The following SLC14A2 variants were observed in gnomAD, a reference collection of about 807,000 sequenced individuals.
SLC14A2 encodes the protein solute carrier family 14 member 2.
Under a neutral mutation model 104.6 loss-of-function variants are expected in SLC14A2, and 91 were observed. The observed-to-expected ratio is 0.87, with a 90% CI of 0.73 to 1.04. SLC14A2 has a LOEUF of 1.04. SLC14A2 is among the 50% of genes least tolerant of loss of function. The probability of loss-of-function intolerance (pLI) is 0.00; values close to 1 mark genes in which losing one functional copy is unlikely to be tolerated. For missense variants in SLC14A2, 1,189 were observed against 1,156.0 expected (o/e 1.03, Z -0.41); for synonymous variants, 476 against 466.4 (o/e 1.02, Z -0.27).
chr18:45,644,791 A>G lies in SLC14A2; in HGVS notation c.1351+631A>G, dbSNP rs907643938. Among the ~76,000 whole-genome samples, 4 of 152,352 alleles carry G rather than the reference A, an allele frequency of 2.6e-5. No individual in the cohort carries two copies. The East Asian group carries it at 7.7e-4, about 29-fold the overall frequency. ...AGGAATTAATAAATTAGAATCCTAT[A>G]TATGACTTTATTATGGAGGATAAGC... is the stretch of plus-strand genomic sequence containing the variant. On this transcript the variant is annotated intron_variant, in intron 10 of 19. Transcript: ENST00000255226.
intron 17 of SLC14A2, 90 bp from the exon 18 acceptor site, chr18:45,673,593 C>T (rs913102359): frequency 3.6e-5 from 51 of 1,427,582 alleles, no homozygotes; most frequent in Middle Eastern, 3.6e-4. Flanking sequence ...TAACTGGCTC[C>T]GGGCTTTGAG....
intron 1 of SLC14A2, among the ~76,000 whole-genome samples, chr18:45,265,166 G>C (rs576679015): frequency 6.6e-6 from 1 of 152,250 alleles, no homozygotes; most frequent in East Asian, 1.9e-4. Flanking sequence ...ACAAAATAGT[G>C]GGATTGTTGA....
At chr18:45,639,628 C>T (rs919782079) in intron 6 of SLC14A2, 118 bp from the exon 7 acceptor site, 6 of 934,262 alleles carry the variant, frequency 6.4e-6, no homozygotes, top group African/African-American at 1.6e-5. Context: ...CTGGAGGGTA[C>T]AGTCATCCTC....
chr18:45,579,485 G>A (rs954713672), intron 2 of SLC14A2, among the ~76,000 whole-genome samples: 5 of 152,146 alleles, frequency 3.3e-5, no homozygotes, highest in African/African-American at 1.2e-4. Context: ...TGTTTAAGTG[G>A]CTTTATAGGC....
intron 10 of SLC14A2, among the ~76,000 whole-genome samples, chr18:45,653,725 T>G (rs939442137): frequency 6.6e-6 from 1 of 151,998 alleles, no homozygotes; most frequent in Non-Finnish European, 1.5e-5. Flanking sequence ...AGGACCCCAG[T>G]CAGCAGGAAT....
At chr18:45,233,378 A>T (rs1435736511) in intron 1 of SLC14A2, among the ~76,000 whole-genome samples, 1 of 152,174 alleles carries the variant, frequency 6.6e-6, no homozygotes, top group African/African-American at 2.4e-5. Flanking sequence ...AGCTCTGGTT[A>T]TACAAATTAT....
chr18:45,606,069 C>T lies in SLC14A2; in HGVS notation c.-34-18562C>T, dbSNP rs1484871. On this transcript the variant is annotated intron_variant, in intron 2 of 20. Transcript: ENST00000586448. ...AAACCATAACCCATCCAGCTGGAGG[C>T]GGGGAGGTGATGAGGAAGTATCAAG... 1.2e-4 allele frequency among the ~76,000 whole-genome samples: 19 copies of T among 152,038 alleles called. No homozygotes were observed. In the South Asian group the frequency reaches 1.3e-3, roughly 10 times the overall value.
At chr18:45,416,367 T>G (rs1326642937) in intron 1 of SLC14A2, among the ~76,000 whole-genome samples, 5 of 151,866 alleles carry the variant, frequency 3.3e-5, no homozygotes, top group Non-Finnish European at 7.4e-5. Flanking sequence ...AACCTTGTCA[T>G]GTGAGCGTTT....
chr18:45,476,083 T>G (rs1331511260), intron 1 of SLC14A2, among the ~76,000 whole-genome samples: 1 of 152,186 alleles, frequency 6.6e-6, no homozygotes, highest in South Asian at 2.1e-4. Context: ...ATTGATGGTC[T>G]TTACAATTTG....
chr18:45,656,315 G>A (rs921509741), intron 10 of SLC14A2, among the ~76,000 whole-genome samples: 6 of 91,806 alleles, frequency 6.5e-5, no homozygotes, highest in Non-Finnish European at 1.6e-4. Context: ...GATGGAGGGA[G>A]AACAGAGGGC....
At chr18:45,478,710 G>A (rs1243612318) in intron 1 of SLC14A2, among the ~76,000 whole-genome samples, 11 of 151,994 alleles carry the variant, frequency 7.2e-5, no homozygotes, top group Non-Finnish European at 4.4e-5. Flanking sequence ...ATAGGGATGT[G>A]CCTGACAACA....
At chr18:45,519,937 G>C (rs577987105) in intron 2 of SLC14A2, among the ~76,000 whole-genome samples, 1 of 152,282 alleles carries the variant, frequency 6.6e-6, no homozygotes, top group East Asian at 1.9e-4. Context: ...AGTGGTATCA[G>C]GCTACTCTGG....
chr18:45,605,412 G>A (rs2044852698), intron 2 of SLC14A2, among the ~76,000 whole-genome samples: 1 of 152,124 alleles, frequency 6.6e-6, no homozygotes, highest in Non-Finnish European at 1.5e-5. Flanking sequence ...GATGCCCACT[G>A]ACACAAATCA....
chr18:45,415,570 CCACTTCAATGGGCT>C (rs2086267870), intron 1 of SLC14A2, among the ~76,000 whole-genome samples: 1 of 152,116 alleles, frequency 6.6e-6, no homozygotes, highest in African/African-American at 2.4e-5. Context: ...TAAAGAATTA[CCACTTCAATGGGCT>C]CAACTGTTCC....
At chr18:45,599,274 C>T (rs1196208751) in intron 2 of SLC14A2, among the ~76,000 whole-genome samples, 1 of 152,198 alleles carries the variant, frequency 6.6e-6, no homozygotes, top group Non-Finnish European at 1.5e-5. Flanking sequence ...ATTACTGCCT[C>T]CCTCTTGATC....
At chr18:45,250,751 C>CTGATTTTTTTTTTTTTTT (rs1165070845) in intron 1 of SLC14A2, among the ~76,000 whole-genome samples, 1 of 113,908 alleles carries the variant, frequency 8.8e-6, no homozygotes, top group Non-Finnish European at 1.7e-5. Context: ...CTAGTGGCTT[C>CTGATTTTTTTTTTTTTTT]TTCCTTTTTT....
At chr18:45,589,488 T>C (rs1306099172) in intron 2 of SLC14A2, among the ~76,000 whole-genome samples, 2 of 152,188 alleles carry the variant, frequency 1.3e-5, no homozygotes, top group Non-Finnish European at 2.9e-5. Context: ...TGTTTCCATA[T>C]GGAATTCTCA....
intron 1 of SLC14A2, among the ~76,000 whole-genome samples, chr18:45,217,752 T>G (rs1310919558): frequency 6.6e-6 from 1 of 152,216 alleles, no homozygotes; most frequent in South Asian, 2.1e-4. Context: ...TGCTTACATA[T>G]GGTTGGTCCT....
At chr18:45,257,170 T>G (rs2084487855) in intron 1 of SLC14A2, among the ~76,000 whole-genome samples, 1 of 152,196 alleles carries the variant, frequency 6.6e-6, no homozygotes. Flanking sequence ...GAAGTTGGTT[T>G]TAGTGACACA....
Sources: allele counts gnomAD v4.1 joint callset (sites outside exome capture counted in the v4.1 genomes callset), GRCh38; gene constraint gnomAD v4.1.1; transcripts MANE v1.5; gene names NCBI Gene and HGNC (gene_info 2026-07-23, HGNC 2026-07-21).